Variants in SP1 observed in about 807,000 individuals in gnomAD.
The protein encoded by SP1 is Sp1 transcription factor.
A neutral mutation model predicts 66.3 loss-of-function variants in SP1; 6 were observed. The observed-to-expected ratio is 0.09, with a 90% CI of 0.05 to 0.18. The LOEUF (loss-of-function observed/expected upper bound fraction) is 0.18. SP1 is among the 10% of genes least tolerant of loss of function. The pLI, the probability that SP1 is intolerant of heterozygous loss-of-function variation, is 1.00. For missense variants in SP1, 848 were observed against 964.5 expected (o/e 0.88, Z 1.60); for synonymous variants, 417 against 360.8 (o/e 1.16, Z -1.77).
Position 53,382,534 on chromosome 12 carries a change from T to G in SP1, c.587T>G (p.Val196Gly). ...QLQFAATGAQVQQDGSGQIQI... is the reference protein window; with the variant it reads ...QLQFAATGAQGQQDGSGQIQI... ...CAGTTTGCTGCCACTGGGGCCCAAG[T>G]GCAGCAGGATGGTTCTGGTCAAATA... The change falls in exon 3 of 6, where the codon GTG becomes GGG. Residue 196 changes from valine (V) to glycine (G), a missense_variant. Val to Gly is a moderately radical substitution (Grantham distance 109). This residue lies in a region of SP1 where 606 missense variants were observed against 589.9 expected (regional missense o/e 1.03). Transcript: ENST00000327443. 6.2e-7 allele frequency: 1 copy of G among 1,614,174 alleles called. No homozygotes were observed. Among genetic ancestry groups the G allele is most frequent in the Non-Finnish European group, 8.5e-7 (1 of 1,180,012 alleles).
At chr12:53,410,854 G>C (rs1396995352) in intron 5 of SP1, 73 bp from the exon 6 acceptor site, 1 of 1,071,414 alleles carries the variant, frequency 9.3e-7, no homozygotes, top group Non-Finnish European at 1.4e-6. Flanking sequence ...GCTTAGTAGA[G>C]TAAGCACTGA....
chr12:53,404,255 C>T (rs907318250), intron 3 of SP1, among the ~76,000 whole-genome samples: 6 of 151,290 alleles, frequency 4.0e-5, no homozygotes, highest in Admixed American at 6.6e-5. Context: ...TATTATCAGC[C>T]GGGTGCGGTG....
At chr12:53,405,909 G>A (rs1938723233) in intron 3 of SP1, among the ~76,000 whole-genome samples, 1 of 151,530 alleles carries the variant, frequency 6.6e-6, no homozygotes, top group African/African-American at 2.4e-5. Flanking sequence ...TAAATGACGA[G>A]TTAATGGGTG....
intron 3 of SP1, among the ~76,000 whole-genome samples, chr12:53,404,722 C>T (rs1271847877): frequency 4.0e-5 from 6 of 150,320 alleles, no homozygotes; most frequent in Admixed American, 4.0e-4. Flanking sequence ...GGCTGGTGTG[C>T]AGTGATGTGA....
chr12:53,405,080 C>T (rs1050324676), intron 3 of SP1, among the ~76,000 whole-genome samples: 1 of 151,942 alleles, frequency 6.6e-6, no homozygotes, highest in Admixed American at 6.6e-5. Flanking sequence ...AACTCCTGAC[C>T]TCAAGTGATC....
intron 3 of SP1, among the ~76,000 whole-genome samples, chr12:53,400,326 G>C (rs1489264305): frequency 6.6e-6 from 1 of 152,116 alleles, no homozygotes; most frequent in Non-Finnish European, 1.5e-5. Flanking sequence ...GTTCATCCAT[G>C]TTGTAGCATG....
chr12:53,380,695 G>A (rs929521793), intron 1 of SP1: 2 of 983,994 alleles, frequency 2.0e-6, no homozygotes, highest in Non-Finnish European at 2.4e-6. Flanking sequence ...GTCGCCGCCT[G>A]CTCCAAGGCC....
intron 3 of SP1, among the ~76,000 whole-genome samples, chr12:53,386,677 C>T (rs1244252819): frequency 2.0e-5 from 3 of 150,892 alleles, no homozygotes; most frequent in Non-Finnish European, 3.0e-5. Flanking sequence ...TTAATGGAGA[C>T]GGGGTTTCAC....
chr12:53,383,800 G>C, intron 3 of SP1, among the ~76,000 whole-genome samples, 178 bp downstream of exon 3: 1 of 152,150 alleles, frequency 6.6e-6, no homozygotes. Context: ...TGAAGTAAAG[G>C]AAACTTCTCC....
At chr12:53,389,126 A>G (rs1329291168) in intron 3 of SP1, among the ~76,000 whole-genome samples, 1 of 152,070 alleles carries the variant, frequency 6.6e-6, no homozygotes, top group Non-Finnish European at 1.5e-5. Context: ...ATATCACTGT[A>G]CAAAATGAGA....
At chr12:53,401,067 G>A (rs1194310506) in intron 3 of SP1, among the ~76,000 whole-genome samples, 1 of 151,920 alleles carries the variant, frequency 6.6e-6, no homozygotes, top group Non-Finnish European at 1.5e-5. Context: ...CCTCATCTGG[G>A]TGAGTCTATA....
chr12:53,387,866 A>G (rs538408771), intron 3 of SP1, among the ~76,000 whole-genome samples: 8 of 152,054 alleles, frequency 5.3e-5, no homozygotes, highest in African/African-American at 1.9e-4. Context: ...GGTGCCTGTA[A>G]TCTCAGCTAC....
At chr12:53,407,613 T>C (rs920332596) in intron 4 of SP1, among the ~76,000 whole-genome samples, 4 of 147,410 alleles carry the variant, frequency 2.7e-5, no homozygotes, top group African/African-American at 1.0e-4. Context: ...CGTGAGCCAC[T>C]GCACCTGGCC....
At chr12:53,394,070 C>A (rs1035105701) in intron 3 of SP1, among the ~76,000 whole-genome samples, 2 of 151,932 alleles carry the variant, frequency 1.3e-5, no homozygotes, top group Admixed American at 1.3e-4. Context: ...ACAAAATTAG[C>A]CCGGCGTGGT....
At chr12:53,392,376 A>G (rs560534586) in intron 3 of SP1, among the ~76,000 whole-genome samples, 30 of 58,762 alleles carry the variant, frequency 5.1e-4, no homozygotes, top group Middle Eastern at 0.016. Flanking sequence ...TTTTTTTTTG[A>G]GACGGAGTCT....
Position 53,406,771 on chromosome 12 carries a change from G to T in SP1, c.1844+18G>T. The T allele has an allele frequency of 1.3e-6, 2 of 1,591,170 alleles. No homozygotes were observed. The highest frequency in any genetic ancestry group is 1.7e-6 in the Non-Finnish European group (2 of 1,168,614). On this transcript the variant is annotated intron_variant, in intron 4 of 5. Coordinates refer to ENST00000327443, the MANE Select transcript of SP1 (RefSeq NM_138473.3). ...GAAGGAAGGTGAGTTGACCCAGCCAGTTTCTTACAAATATAAAGAAAAATT... is the reference window on the plus strand; with the variant it reads ...GAAGGAAGGTGAGTTGACCCAGCCATTTTCTTACAAATATAAAGAAAAATT...
intron 3 of SP1, among the ~76,000 whole-genome samples, chr12:53,391,122 T>C (rs986494379): frequency 6.6e-6 from 1 of 152,126 alleles, no homozygotes; most frequent in Admixed American, 6.6e-5. Context: ...TACTATTTAA[T>C]AGAAAAGCAA....
intron 1 of SP1, 108 bp downstream of exon 1, chr12:53,380,406 C>T (rs1938055955): frequency 6.2e-6 from 6 of 962,306 alleles, no homozygotes; most frequent in South Asian, 2.8e-5. Context: ...CGGGAGGCGG[C>T]GGCGGCGGCG....
rs1938985259 is a variant in SP1, at chr12:53,415,835, G to A, written c.*4595G>A. On this transcript the variant is annotated 3_prime_UTR_variant, in exon 6 of 6. Coordinates refer to ENST00000327443, the MANE Select transcript of SP1 (RefSeq NM_138473.3). Reference sequence around the variant, plus strand: ...CCGGTAACTGCTCTTGAACATTGTGGACAAGGGCAGGTCTTCATATTTTTG... The same window carrying A: ...CCGGTAACTGCTCTTGAACATTGTGAACAAGGGCAGGTCTTCATATTTTTG... 1 of 152,488 alleles carries A rather than the reference G, an allele frequency of 6.6e-6. No homozygotes were observed. Among genetic ancestry groups the A allele is most frequent in the African/African-American group, 2.4e-5 (1 of 41,378 alleles). 9.4% of individuals were successfully genotyped at this position (152,488 alleles called of 1,614,324 possible). A position where few individuals can be genotyped will look rare whatever the true frequency, so the allele number is the denominator to read the frequency against.
Sources: gnomAD v4.1 joint callset for allele counts (sites outside exome capture counted in the v4.1 genomes callset) on GRCh38, gnomAD v4.1.1 for gene constraint, gnomAD v4.1.1 regional missense constraint, MANE v1.5 for transcripts, NCBI Gene and HGNC (gene_info 2026-07-23, HGNC 2026-07-21) for gene names.